Variants in CORO2B observed in about 807,000 individuals in gnomAD.
The protein encoded by CORO2B is coronin 2B.
CORO2B carries 26 observed loss-of-function variants against 58.8 expected under a neutral mutation model. The observed-to-expected ratio is 0.44, with a 90% CI of 0.32 to 0.61. CORO2B has a LOEUF of 0.61. Among genes scored for constraint, CORO2B ranks in the 20% least tolerant of loss-of-function variants. The pLI is 0.04. For missense variants in CORO2B, 460 were observed against 645.1 expected, an observed-to-expected ratio of 0.71 and a Z score of 3.11; for synonymous variants, 242 against 253.8, an observed-to-expected ratio of 0.95 and a Z score of 0.44.
Position 68,645,286 on chromosome 15 carries a change from G to T in CORO2B, c.142G>T (p.Val48Phe). 6.2e-7 allele frequency: 1 copy of T among 1,614,096 alleles called. No homozygotes were observed. The highest frequency in any genetic ancestry group is 8.5e-7 in the Non-Finnish European group (1 of 1,180,034). ...KNVHDNHFCAVNTRFLAIVTE... is the reference protein window; with the variant it reads ...KNVHDNHFCAFNTRFLAIVTE... ...TGTGCACGACAACCACTTCTGTGCC[G>T]TCAACACCCGCTTCCTGGCCATCGT... The change falls in exon 2 of 12, where the codon GTC becomes TTC. Residue 48 changes from valine to phenylalanine, a missense_variant. Physicochemically the swap from Val to Phe is conservative, Grantham distance 50. Transcript: ENST00000261861. The surrounding 1 kb of genome is among the most constrained non-coding windows in gnomAD (Gnocchi z 4.5).
At chr15:68,648,802 G>C (rs980034514) in intron 2 of CORO2B, among the ~76,000 whole-genome samples, 8 of 152,246 alleles carry the variant, frequency 5.3e-5, no homozygotes, top group Admixed American at 4.6e-4. Flanking sequence ...AGGTGTGAGA[G>C]AGCAGGTGCT....
intron 2 of CORO2B, among the ~76,000 whole-genome samples, chr15:68,684,501 T>C (rs543023774): frequency 1.3e-5 from 2 of 152,310 alleles, no homozygotes; most frequent in South Asian, 4.1e-4. Context: ...TATGTGTGTG[T>C]GTGTTCACTT....
intron 2 of CORO2B, among the ~76,000 whole-genome samples, chr15:68,662,026 AAATT>A (rs1308719375): frequency 2.0e-5 from 3 of 149,556 alleles, no homozygotes; most frequent in East Asian, 2.0e-4. Context: ...ATAAATAAAT[AAATT>A]AATTAATTAA....
At chr15:68,525,007 A>G in the CORO2B span, among the ~76,000 whole-genome samples, 1 of 152,188 alleles carries the variant, frequency 6.6e-6, no homozygotes, top group Admixed American at 6.5e-5. Context: ...GAAATACAAC[A>G]TAAATTCACT....
chr15:68,710,814 G>T lies in CORO2B; in HGVS notation c.416G>T (p.Arg139Leu), dbSNP rs775165158. ...CTGGAGCTGCACGGGCACAGCCGGC[G>T]TGTGGGGCTGGTCGAGTGGCACCCC... ...ALLELHGHSR[R>L]VGLVEWHPTT... Residue 139 changes from arginine (R) to leucine (L), a missense_variant, in exon 4 of 12, where the codon CGT (arginine) becomes CTT (leucine). This residue lies in a region of CORO2B where 352 missense variants were observed against 543.0 expected (regional missense o/e 0.65). Transcript: ENST00000261861. This position sits in a 1 kb window ranked among gnomAD's most constrained non-coding sequence, Gnocchi z 4.1. 17 of 1,612,142 alleles carry T rather than the reference G, an allele frequency of 1.1e-5. No individual in the cohort carries two copies. The highest frequency in any genetic ancestry group is 5.1e-6 in the Non-Finnish European group (6 of 1,179,304).
At position 68,579,186 on chromosome 15, in the gene CORO2B, T is replaced by A; in HGVS notation, c.-77T>A. Reference sequence around the variant, plus strand: ...GCGAGCCGGGAGCTGCCGGACCCCCTTCCGCCGCCGCCCCGGGCCGCCGCC... The same window carrying A: ...GCGAGCCGGGAGCTGCCGGACCCCCATCCGCCGCCGCCCCGGGCCGCCGCC... On this transcript the variant is annotated 5_prime_UTR_variant, in exon 1 of 12. Transcript: ENST00000261861. 1 of 989,178 alleles carries A rather than the reference T, an allele frequency of 1.0e-6. No homozygotes were observed. The highest frequency in any genetic ancestry group is 1.2e-6 in the Non-Finnish European group (1 of 835,654). The allele number at this position is 989,178 out of a possible 1,614,324, so 61.3% of individuals were successfully genotyped here. A position where few individuals can be genotyped will look rare whatever the true frequency, so the allele number is the denominator to read the frequency against.
intron 1 of CORO2B, among the ~76,000 whole-genome samples, chr15:68,635,273 GT>G (rs1265152611): frequency 1.3e-5 from 2 of 152,210 alleles, no homozygotes; most frequent in Non-Finnish European, 2.9e-5. Flanking sequence ...AGGGCCCTCA[GT>G]TCCTCAAAAT....
At chr15:68,666,465 G>A (rs1197467263) in intron 2 of CORO2B, among the ~76,000 whole-genome samples, 1 of 152,240 alleles carries the variant, frequency 6.6e-6, no homozygotes, top group Non-Finnish European at 1.5e-5. Context: ...CAGGGAGTGG[G>A]TGAGTGGCCT....
At chr15:68,549,953 A>AAAT in the CORO2B span, among the ~76,000 whole-genome samples, 12 of 144,572 alleles carry the variant, frequency 8.3e-5, no homozygotes, top group African/African-American at 3.1e-4. Flanking sequence ...AAAATAAAAT[A>AAAT]AAATAAATAA....
chr15:68,623,413 T>C (rs1900580657), intron 1 of CORO2B, among the ~76,000 whole-genome samples: 1 of 152,298 alleles, frequency 6.6e-6, no homozygotes, highest in African/African-American at 2.4e-5. Flanking sequence ...GCAGTGTCCA[T>C]GCATGTGGAA....
chr15:68,596,120 A>G (rs1162406597), intron 1 of CORO2B, among the ~76,000 whole-genome samples: 1 of 152,122 alleles, frequency 6.6e-6, no homozygotes, highest in East Asian at 1.9e-4. Context: ...CAGTCCATCC[A>G]TGAAGAGCCT....
the CORO2B span, among the ~76,000 whole-genome samples, chr15:68,539,995 G>A: frequency 8.7e-4 from 132 of 152,334 alleles, 2 homozygotes; most frequent in South Asian, 0.027. Context: ...TATTTTAACA[G>A]TTTTTGAAGA....
chr15:68,625,505 T>C (rs754070613), intron 1 of CORO2B, among the ~76,000 whole-genome samples: 1 of 152,008 alleles, frequency 6.6e-6, no homozygotes, highest in Non-Finnish European at 1.5e-5. Context: ...TCTGTAGAAG[T>C]TGTTTTTTTC....
intron 2 of CORO2B, among the ~76,000 whole-genome samples, chr15:68,668,028 G>C (rs1902252953): frequency 6.6e-6 from 1 of 152,234 alleles, no homozygotes; most frequent in Non-Finnish European, 1.5e-5. Flanking sequence ...CAACGGGCCA[G>C]GGACTGTTCT....
At chr15:68,597,407 A>G (rs1899860076) in intron 1 of CORO2B, among the ~76,000 whole-genome samples, 1 of 152,188 alleles carries the variant, frequency 6.6e-6, no homozygotes, top group South Asian at 2.1e-4. Flanking sequence ...ATACCTAGGA[A>G]GCACAGGGAG....
chr15:68,536,402 A>T, the CORO2B span, among the ~76,000 whole-genome samples: 1 of 152,188 alleles, frequency 6.6e-6, no homozygotes, highest in African/African-American at 2.4e-5. Context: ...TGACTTTGGA[A>T]TCTTGGCCTA....
intron 1 of CORO2B, among the ~76,000 whole-genome samples, chr15:68,610,464 C>A (rs1294318890): frequency 6.6e-6 from 1 of 152,034 alleles, no homozygotes; most frequent in African/African-American, 2.4e-5. Context: ...GATCTCCAGA[C>A]CCCCTTGTTC....
chr15:68,579,258 T>C lies in CORO2B; in HGVS notation c.-5T>C. On this transcript the variant is annotated 5_prime_UTR_variant, in exon 1 of 12. Transcript: ENST00000261861. ...CGCGCCCCCGCTCCGCCGCGGAGTTTCTGCATGACTGTCACAAAGGTAAGC... is the reference window on the plus strand; with the variant it reads ...CGCGCCCCCGCTCCGCCGCGGAGTTCCTGCATGACTGTCACAAAGGTAAGC... 3 of 1,238,462 alleles carry C rather than the reference T, an allele frequency of 2.4e-6. No individual in the cohort carries two copies. The highest frequency in any genetic ancestry group is 2.7e-5 in the South Asian group (1 of 36,790). 76.7% of individuals were successfully genotyped at this position (1,238,462 alleles called of 1,614,324 possible). A position where few individuals can be genotyped will look rare whatever the true frequency, so the allele number is the denominator to read the frequency against.
chr15:68,522,756 T>C, the CORO2B span, among the ~76,000 whole-genome samples: 1 of 152,252 alleles, frequency 6.6e-6, no homozygotes, highest in South Asian at 2.1e-4. Context: ...CATCTTGTTA[T>C]ATCTTTTTAT....
Sources: gnomAD v4.1 joint callset for allele counts (sites outside exome capture counted in the v4.1 genomes callset) on GRCh38, gnomAD v4.1.1 for gene constraint, gnomAD v4.1.1 regional missense constraint, Gnocchi (gnomAD v3.1) non-coding constraint, MANE v1.5 for transcripts, NCBI Gene and HGNC (gene_info 2026-07-23, HGNC 2026-07-21) for gene names.